The following TRPC4AP variants were observed in gnomAD, a reference collection of about 807,000 sequenced individuals.
TRPC4AP encodes transient receptor potential cation channel subfamily C member 4 associated protein.
A neutral mutation model predicts 99.0 loss-of-function variants in TRPC4AP; 45 were observed. The ratio of observed to expected loss-of-function variants is 0.45; its 90% CI spans 0.36 to 0.58. The LOEUF (loss-of-function observed/expected upper bound fraction) is 0.58, where lower values mean the gene tolerates loss of function less well. TRPC4AP is among the 20% of genes least tolerant of loss of function. The probability of loss-of-function intolerance (pLI) is 0.00; values close to 1 mark genes in which losing one functional copy is unlikely to be tolerated. For synonymous variants in TRPC4AP, 408 were observed against 385.8 expected (o/e 1.06, Z -0.67); for missense variants, 879 against 985.3 (o/e 0.89, Z 1.44).
chr20:35,029,696 C>A (rs1290427196), intron 8 of TRPC4AP, among the ~76,000 whole-genome samples: 1 of 123,514 alleles, frequency 8.1e-6, no homozygotes, highest in African/African-American at 3.1e-5. Flanking sequence ...AGTGCAGTGG[C>A]GCGATCTCGG....
At chr20:35,053,890 A>G (rs969417947) in intron 5 of TRPC4AP, among the ~76,000 whole-genome samples, 26 of 152,228 alleles carry the variant, frequency 1.7e-4, no homozygotes, top group Non-Finnish European at 7.3e-5. Context: ...GGCTTGCATT[A>G]TATTTCAATT....
At chr20:35,084,598 ATGTG>A (rs1260896479) in intron 1 of TRPC4AP, among the ~76,000 whole-genome samples, 1 of 131,130 alleles carries the variant, frequency 7.6e-6, no homozygotes, top group African/African-American at 2.8e-5. Flanking sequence ...ATATGCATAT[ATGTG>A]TATATGTATA....
chr20:35,085,649 G>A (rs148161476), intron 1 of TRPC4AP, among the ~76,000 whole-genome samples: 154 of 149,710 alleles, frequency 1.0e-3, no homozygotes, highest in African/African-American at 3.7e-3. Context: ...TGTTTTCCTT[G>A]TGAACAGCTC....
chr20:35,084,656 G>T (rs1437297641), intron 1 of TRPC4AP, among the ~76,000 whole-genome samples: 2 of 124,012 alleles, frequency 1.6e-5, no homozygotes, highest in Non-Finnish European at 1.6e-5. Flanking sequence ...ATGTTTATAT[G>T]CATATATGTG....
chr20:35,076,313 G>A (rs574489445), intron 2 of TRPC4AP, among the ~76,000 whole-genome samples: 2 of 152,328 alleles, frequency 1.3e-5, no homozygotes, highest in East Asian at 3.9e-4. Context: ...GTGAGGAGCT[G>A]TGTTCCTTTG....
chr20:35,050,878 T>G (rs560457379), intron 5 of TRPC4AP, among the ~76,000 whole-genome samples: 15 of 151,904 alleles, frequency 9.9e-5, no homozygotes, highest in Non-Finnish European at 1.5e-4. Context: ...ACACCTGTAA[T>G]CCCAGCTACC....
intron 16 of TRPC4AP, 38 bp downstream of exon 16, chr20:35,005,657 C>T (rs753291418): frequency 1.3e-6 from 2 of 1,586,178 alleles, no homozygotes; most frequent in Non-Finnish European, 1.7e-6. Flanking sequence ...GCATTCTTAC[C>T]CTGCATGACT....
At chr20:35,056,817 T>TA (rs554363992) in intron 4 of TRPC4AP, among the ~76,000 whole-genome samples, 5,089 of 143,768 alleles carry the variant, frequency 0.035, 117 homozygotes, top group Non-Finnish European at 0.054. Flanking sequence ...CCATCTCTAC[T>TA]AAAAAAAAAA....
intron 6 of TRPC4AP, among the ~76,000 whole-genome samples, chr20:35,048,968 C>G (rs917090006): frequency 6.6e-6 from 1 of 152,328 alleles, no homozygotes; most frequent in Non-Finnish European, 1.5e-5. Flanking sequence ...GGGGAAAGCA[C>G]AGCAAGAAGA....
intron 1 of TRPC4AP, among the ~76,000 whole-genome samples, chr20:35,080,544 A>C (rs12480068): frequency 2.7e-4 from 27 of 100,014 alleles, no homozygotes; most frequent in Non-Finnish European, 1.6e-4. Flanking sequence ...TAAAAAAAAA[A>C]AAAAAAAAAA....
In TRPC4AP at chr20:35,069,324, T is replaced by C. The variant is rs772018976; in HGVS notation, c.386A>G (p.Tyr129Cys). Residue 129 changes from tyrosine (Y) to cysteine (C), a missense_variant, in exon 3 of 19, where the codon TAC becomes TGC. Tyr to Cys is a radical substitution (Grantham distance 194). Coordinates refer to ENST00000252015, the MANE Select transcript of TRPC4AP (RefSeq NM_015638.3). ...LTQETTYPNT[Y>C]IFDLFGGVDL... The stretch of plus-strand genomic sequence containing the variant: ...AACACCTCCAAACAAGTCAAAAATG[T>C]AAGTATTTGGATAAGTGGTTTCTTG... The C allele has an allele frequency of 2.5e-6, 4 of 1,607,692 alleles. No individual in the cohort carries two copies. The highest frequency in any genetic ancestry group is 4.5e-5 in the East Asian group (2 of 44,800).
intron 3 of TRPC4AP, among the ~76,000 whole-genome samples, chr20:35,067,580 A>G (rs1056990870): frequency 3.3e-5 from 5 of 152,170 alleles, no homozygotes; most frequent in Non-Finnish European, 5.9e-5. Context: ...TGTTTATAGC[A>G]CTGTTATTCA....
At chr20:35,004,315 TTC>T in intron 17 of TRPC4AP, 141 bp downstream of exon 17, 2 of 704,018 alleles carry the variant, frequency 2.8e-6, no homozygotes, top group Non-Finnish European at 4.9e-6. Context: ...GGGACACTGA[TTC>T]CTCCTGAGCA....
At chr20:35,086,845 C>G (rs2084897687) in intron 1 of TRPC4AP, among the ~76,000 whole-genome samples, 1 of 150,440 alleles carries the variant, frequency 6.6e-6, no homozygotes. Flanking sequence ...CCAGCCTAGC[C>G]AGCATGGTGA....
Position 35,020,449 on chromosome 20 carries a change from T to C in TRPC4AP, c.1218+741A>G, listed in dbSNP as rs550113292. On this transcript the variant is annotated intron_variant, in intron 9 of 18. Transcript: ENST00000252015. ...CTATGCACACTCCTCCCCAGGGCAC[T>C]GCCCCCTCCCACCTGGTACACTCTT... Among the ~76,000 whole-genome samples, 408 of 152,140 alleles carry C rather than the reference T, an allele frequency of 2.7e-3. 6 individuals carry two copies. The highest frequency in any genetic ancestry group is 1.1e-3 in the Non-Finnish European group (74 of 67,998).
rs11483863 is a variant in TRPC4AP at position 35,044,400 on chromosome 20, G to GAAA, written c.865+102_865+104dup. 1.8e-3 allele frequency: 1,614 copies of GAAA among 877,936 alleles called. 1 individual carries two copies. Among genetic ancestry groups the GAAA allele is most frequent in the African/African-American group, 2.9e-3 (139 of 47,814 alleles). The allele number at this position is 877,936 out of a possible 1,614,324, so 54.4% of individuals were successfully genotyped here. On this transcript the variant is annotated intron_variant, in intron 7 of 18. Coordinates refer to ENST00000252015, the MANE Select transcript of TRPC4AP (RefSeq NM_015638.3). ...TAGTGACGATCCCATCTCAAAAAAG[G>GAAA]AAAAAAAAAAAAAAAGAAAAGAAAA...
chr20:35,068,181 G>A (rs1461301582), intron 3 of TRPC4AP, among the ~76,000 whole-genome samples: 1 of 152,088 alleles, frequency 6.6e-6, no homozygotes, highest in Non-Finnish European at 1.5e-5. Flanking sequence ...TGTATTTTGT[G>A]GTAATTATTG....
At chr20:35,018,580 C>A (rs6087659) in intron 9 of TRPC4AP, among the ~76,000 whole-genome samples, 25,863 of 121,708 alleles carry the variant, frequency 0.21, 2,439 homozygotes, top group Middle Eastern at 0.43. Flanking sequence ...GCCTGGGTGG[C>A]AGAGCAAGAC....
intron 15 of TRPC4AP, 96 bp downstream of exon 15, chr20:35,006,339 T>G (rs1433995481): frequency 6.8e-7 from 1 of 1,462,846 alleles, no homozygotes; most frequent in African/African-American, 1.4e-5. Context: ...CCGTCGTCTC[T>G]AACGTAAAAC....
Sources: allele counts gnomAD v4.1 joint callset (sites outside exome capture counted in the v4.1 genomes callset), GRCh38; gene constraint gnomAD v4.1.1; transcripts MANE v1.5; gene names NCBI Gene and HGNC (gene_info 2026-07-23, HGNC 2026-07-21).